STAR: variants seen among roughly 807,000 people sequenced by gnomAD.
STAR encodes steroidogenic acute regulatory protein, mitochondrial.
In STAR, 32 loss-of-function variants were observed where a neutral mutation model predicts 32.3. The observed-to-expected ratio is 0.99, with a 90% CI of 0.75 to 1.33. STAR has a LOEUF of 1.33. STAR is among the 40% of genes most tolerant of loss of function. The pLI, the probability that STAR is intolerant of heterozygous loss-of-function variation, is 0.00. For synonymous variants in STAR, 134 were observed against 140.5 expected, an observed-to-expected ratio of 0.95 and a Z score of 0.33; for missense variants, 375 against 379.0, an observed-to-expected ratio of 0.99 and a Z score of 0.09.
Position 38,145,868 on chromosome 8 carries a change from G to C in STAR, c.650+95C>G, listed in dbSNP as rs36065744. 2.3e-3 allele frequency: 3,549 copies of C among 1,518,560 alleles called. 83 individuals are homozygous for C. In the African/African-American group the frequency reaches 0.043, roughly 18 times the overall value. The allele number at this position is 1,518,560 out of a possible 1,614,324, so 94.1% of individuals were successfully genotyped here. A position where few individuals can be genotyped will look rare whatever the true frequency, so the allele number is the denominator to read the frequency against. ...GAAGCCATGGGTGCACCAAGGGTTG[G>C]TTTCTTGGAGCTGGGGATGCAGTCC... On this transcript the variant is annotated intron_variant, in intron 5 of 6. Coordinates refer to ENST00000276449, the MANE Select transcript of STAR (RefSeq NM_000349.3).
At chr8:38,145,742 A>T in intron 5 of STAR, 1 of 632,102 alleles carries the variant, frequency 1.6e-6, no homozygotes, top group Non-Finnish European at 2.7e-6. Context: ...TAAGGTTCTT[A>T]AACTTTCTGG....
rs758031518 is a variant in STAR, at chr8:38,145,228, G to A, written c.738C>T (p.Asp246=). 3.5e-5 allele frequency: 56 copies of A among 1,613,992 alleles called. 1 individual carries two copies. In the South Asian group the frequency reaches 5.4e-4, roughly 16 times the overall value. Reference sequence around the variant, plus strand: ...CCCCTCCCATGCCCTTCACCTTGAGGTCGATGCTGAGTAGCCACGTAAGTT... The same window carrying A: ...CCCCTCCCATGCCCTTCACCTTGAGATCGATGCTGAGTAGCCACGTAAGTT... ...KTKLTWLLSI[D]LKGWLPKSII... is the part of the protein sequence containing the mutation. The change falls in exon 6 of 7, where the codon GAC becomes GAT. Residue 246 remains aspartate, a synonymous_variant. Transcript: ENST00000276449.
intron 1 of STAR, among the ~76,000 whole-genome samples, chr8:38,150,178 T>C (rs1330200307): frequency 6.6e-6 from 1 of 151,392 alleles, no homozygotes; most frequent in Non-Finnish European, 1.5e-5. Context: ...GCCCAGGGGG[T>C]CAAGACCAGC....
chr8:38,148,690 GGGGCCCCCCA>G lies in STAR; in HGVS notation c.119_128del (p.Leu40ProfsTer66). The G allele has an allele frequency of 6.2e-7, 1 of 1,614,084 alleles. No individual in the cohort carries two copies. The highest frequency in any genetic ancestry group is 8.5e-7 in the Non-Finnish European group (1 of 1,180,022). Reference sequence around the variant, plus strand: ...CCTGGTTAATCCACGTGCTAGGGGTGGGGCCCCCCAGGGCCCTCCGGTTCAGCTCCTGGCT... The same window carrying G: ...CCTGGTTAATCCACGTGCTAGGGGTGGGGCCCTCCGGTTCAGCTCCTGGCT... On this transcript the variant is annotated frameshift_variant, in exon 2 of 7. Transcript: ENST00000276449. LOFTEE classifies it high-confidence loss of function.
In STAR at chr8:38,143,407, A is replaced by G. The variant is rs1802502059; in HGVS notation, c.*866T>C. On this transcript the variant is annotated 3_prime_UTR_variant, in exon 7 of 7. Coordinates refer to ENST00000276449, the MANE Select transcript of STAR (RefSeq NM_000349.3). The stretch of plus-strand genomic sequence containing the variant: ...CTACAACCTCCGCCTCCGGGGTTCA[A>G]GTGATTCCCCTGCCTCAGCCTCCCA... Among the ~76,000 whole-genome samples the G allele has an allele frequency of 6.6e-6, 1 of 151,264 alleles. No homozygotes were observed. The highest frequency in any genetic ancestry group is 6.6e-5 in the Admixed American group (1 of 15,074).
In STAR at chr8:38,146,465, C is replaced by T. The variant is rs767832436; in HGVS notation, c.307-18G>A. The T allele has an allele frequency of 2.5e-6, 4 of 1,613,074 alleles. No homozygotes were observed. The highest frequency in any genetic ancestry group is 2.2e-5 in the East Asian group (1 of 44,868). On this transcript the variant is annotated intron_variant, in intron 3 of 6. Transcript: ENST00000276449. Reference sequence around the variant, plus strand: ...CCATTGTCCTGTCAGAGAAAGGAGCCCCCAGAAGGTGGTTAGACAAAAATA... The same window carrying T: ...CCATTGTCCTGTCAGAGAAAGGAGCTCCCAGAAGGTGGTTAGACAAAAATA...
chr8:38,146,305 T>C lies in STAR; in HGVS notation c.449A>G (p.Asn150Ser), dbSNP rs772112332. The change falls in exon 4 of 7, where the codon AAT becomes AGT. Residue 150 changes from asparagine to serine, a missense_variant. By Grantham distance (46) the Asn-to-Ser change is conservative (BLOSUM62 1). Transcript: ENST00000276449. The stretch of plus-strand genomic sequence containing the variant: ...TTTGCTCACCTTGATCTCCTTGACA[T>C]TGGGGTTCCACTCCCCCATTGCTTC... ...RMEAMGEWNP[N>S]VKEIKVLQKI... The C allele has an allele frequency of 1.2e-6, 2 of 1,614,052 alleles. No homozygotes were observed. The highest frequency in any genetic ancestry group is 1.7e-6 in the Non-Finnish European group (2 of 1,180,006).
Position 38,145,995 on chromosome 8 carries a change from G to A in STAR, c.618C>T (p.Phe206=), listed in dbSNP as rs776732265. The A allele has an allele frequency of 1.1e-5, 18 of 1,614,186 alleles. No homozygotes were observed. The highest frequency in any genetic ancestry group is 1.1e-4 in the East Asian group (5 of 44,884). The change falls in exon 5 of 7, where the codon TTC becomes TTT. Residue 206 remains phenylalanine, a synonymous_variant. Coordinates refer to ENST00000276449, the MANE Select transcript of STAR (RefSeq NM_000349.3). ...TCVLAGMATD[F]GNMPEQKGVI... is the part of the protein sequence containing the mutation. ...CACCCTTCTGCTCAGGCATGTTCCC[G>A]AAGTCTGTGGCCATGCCAGCCAGCA...
rs148239025 is a variant in STAR at position 38,145,271 on chromosome 8, C to T, written c.695G>A (p.Gly232Glu). The T allele has an allele frequency of 2.5e-6, 4 of 1,614,202 alleles. 1 individual carries two copies. The highest frequency in any genetic ancestry group is 1.1e-5 in the South Asian group (1 of 91,086). The change falls in exon 6 of 7, where the codon GGA (glycine) becomes GAA (glutamate). Residue 232 changes from glycine to glutamate, a missense_variant. Gly to Glu is a moderately conservative substitution (Grantham distance 98). Transcript: ENST00000276449. ...PTCMVLHPLA[G>E]SPSKTKLTWL... Reference sequence around the variant, plus strand: ...CGTAAGTTTGGTCTTAGAGGGACTTCCAGCCAACGGGTGAAGCACCATGCA... The same window carrying T: ...CGTAAGTTTGGTCTTAGAGGGACTTTCAGCCAACGGGTGAAGCACCATGCA...
intron 5 of STAR, 99 bp downstream of exon 5, chr8:38,145,864 G>T: frequency 2.1e-6 from 3 of 1,460,748 alleles, no homozygotes; most frequent in African/African-American, 1.4e-5. Context: ...TGCACCAAGG[G>T]TTGGTTTCTT....
intron 1 of STAR, chr8:38,149,063 A>G (rs1244127442): frequency 1.5e-5 from 6 of 403,340 alleles, no homozygotes; most frequent in Non-Finnish European, 2.8e-5. Flanking sequence ...TCAAGCAACC[A>G]GAAAAATCCT....
At chr8:38,149,959 A>G (rs974967543) in intron 1 of STAR, among the ~76,000 whole-genome samples, 5 of 152,146 alleles carry the variant, frequency 3.3e-5, no homozygotes, top group Admixed American at 2.6e-4. Context: ...TGTCTCTACT[A>G]AAAATACAAA....
intron 1 of STAR, chr8:38,149,054 C>T (rs1168820836): frequency 4.8e-6 from 2 of 418,302 alleles, no homozygotes; most frequent in Admixed American, 7.2e-5. Context: ...AAGCTGTGTT[C>T]AAGCAACCAG....
At chr8:38,144,616 G>A (rs1297864705) in intron 6 of STAR, 1 of 1,365,394 alleles carries the variant, frequency 7.3e-7, no homozygotes, top group Non-Finnish European at 9.5e-7. Context: ...GTTCCCAGCT[G>A]TGTGACCCTG....
At chr8:38,149,082 A>T (rs1802626409) in intron 1 of STAR, 3 of 369,768 alleles carry the variant, frequency 8.1e-6, no homozygotes, top group East Asian at 6.5e-5. Flanking sequence ...CTACTTCATA[A>T]GGAGAATACA....
intron 6 of STAR, chr8:38,144,963 C>A (rs894464541): frequency 8.7e-6 from 11 of 1,271,388 alleles, no homozygotes; most frequent in Admixed American, 3.3e-5. Flanking sequence ...GAGCTGAGAC[C>A]ATGTCATTGT....
At chr8:38,146,972 A>G (rs576286805) in intron 3 of STAR, among the ~76,000 whole-genome samples, 61 of 148,606 alleles carry the variant, frequency 4.1e-4, no homozygotes, top group African/African-American at 1.4e-3. Context: ...CTGCCACTGG[A>G]CCCTTTTTAA....
In STAR at chr8:38,146,352, A is replaced by C. The variant is rs144881901; in HGVS notation, c.402T>G (p.Tyr134Ter). 1.9e-6 allele frequency: 3 copies of C among 1,613,994 alleles called. No homozygotes were observed. The highest frequency in any genetic ancestry group is 2.5e-6 in the Non-Finnish European group (3 of 1,180,024). The stretch of plus-strand genomic sequence containing the variant: ...CTTCCATGCGCTCCACGAGCTCTTC[A>C]TAGAGCCTCTCCATGGGCTGGTCCA... Reference protein sequence around the residue: ...VVVDQPMERLYEELVERMEAM... With the variant: ...VVVDQPMERL Residue 134 changes from tyrosine to a stop codon, truncating the protein, a stop_gained, in exon 4 of 7, where the codon TAT (tyrosine) becomes TAG (stop). Coordinates refer to ENST00000276449, the MANE Select transcript of STAR (RefSeq NM_000349.3). LOFTEE classifies it high-confidence loss of function.
chr8:38,147,333 TCTTA>T (rs1173602918), intron 3 of STAR, among the ~76,000 whole-genome samples: 1 of 152,134 alleles, frequency 6.6e-6, no homozygotes, highest in Non-Finnish European at 1.5e-5. Flanking sequence ...CTGAAAAGAC[TCTTA>T]CTTGACTTCA....
Sources: allele counts gnomAD v4.1 joint callset (sites outside exome capture counted in the v4.1 genomes callset), GRCh38; gene constraint gnomAD v4.1.1; transcripts MANE v1.5; gene names NCBI Gene and HGNC (gene_info 2026-07-23, HGNC 2026-07-21).